Variants in ITCH observed in about 807,000 individuals in gnomAD.
ITCH encodes E3 ubiquitin-protein ligase Itchy homolog.
In ITCH, 28 loss-of-function variants were observed where a neutral mutation model predicts 126.8. The observed-to-expected ratio is 0.22, with a 90% CI of 0.16 to 0.30. The LOEUF (loss-of-function observed/expected upper bound fraction) is 0.30. ITCH is among the 10% of genes least tolerant of loss of function. The pLI is 1.00. For synonymous variants in ITCH, 342 were observed against 340.0 expected, an observed-to-expected ratio of 1.01 and a Z score of -0.06; for missense variants, 631 against 1,032.4, an observed-to-expected ratio of 0.61 and a Z score of 5.33.
intron 20 of ITCH, among the ~76,000 whole-genome samples, chr20:34,486,676 T>TATTTATTC (rs1989143256): frequency 6.6e-6 from 1 of 150,788 alleles, no homozygotes; most frequent in Non-Finnish European, 1.5e-5. Context: ...TTTATTTATT[T>TATTTATTC]ATTTATTTAT....
intron 16 of ITCH, 83 bp from the exon 17 acceptor site, chr20:34,477,689 A>C: frequency 1.6e-6 from 2 of 1,264,400 alleles, no homozygotes; most frequent in Non-Finnish European, 1.1e-6. Flanking sequence ...GTTACCTATA[A>C]CGAAGGAGAT....
chr20:34,460,877 C>T (rs966068004), intron 13 of ITCH, among the ~76,000 whole-genome samples: 11 of 151,780 alleles, frequency 7.2e-5, no homozygotes, highest in African/African-American at 1.5e-4. Context: ...ATAATTTAAC[C>T]GGGTGTGGTG....
chr20:34,442,975 C>CAA (rs777882908), intron 10 of ITCH, among the ~76,000 whole-genome samples: 3 of 102,854 alleles, frequency 2.9e-5, no homozygotes, highest in Non-Finnish European at 2.0e-5. Context: ...GACTCTGTCT[C>CAA]AAAAAAAAAA....
At chr20:34,498,925 G>GT (rs1256469730) in intron 23 of ITCH, among the ~76,000 whole-genome samples, 1 of 150,688 alleles carries the variant, frequency 6.6e-6, no homozygotes, top group Non-Finnish European at 1.5e-5. Flanking sequence ...TTCTTTAAAT[G>GT]TTTGTTAGAA....
At chr20:34,405,829 G>T (rs1480313784) in intron 3 of ITCH, among the ~76,000 whole-genome samples, 1 of 150,696 alleles carries the variant, frequency 6.6e-6, no homozygotes, top group Non-Finnish European at 1.5e-5. Flanking sequence ...TCACTGTGTT[G>T]TCCAGGCTGG....
In ITCH at chr20:34,438,614, C is replaced by G; in HGVS notation, c.662C>G (p.Pro221Arg). 1.2e-6 allele frequency: 2 copies of G among 1,613,996 alleles called. No individual in the cohort carries two copies. Among genetic ancestry groups the G allele is most frequent in the Non-Finnish European group, 1.7e-6 (2 of 1,180,004 alleles). The stretch of plus-strand genomic sequence containing the variant: ...CCAAGACCTTCACGACCACCACCAC[C>G]CACCCCACGTAGACCAGGTTTGTAT... ...RPPRPSRPPP[P>R]TPRRPASVNG... The change falls in exon 8 of 25, where the codon CCC becomes CGC. Residue 221 changes from proline to arginine, a missense_variant. By Grantham distance (103) the Pro-to-Arg change is moderately radical. This residue lies in a region of ITCH where 220 missense variants were observed against 265.7 expected (regional missense o/e 0.83). Transcript: ENST00000374864.
intron 17 of ITCH, among the ~76,000 whole-genome samples, chr20:34,479,396 T>G (rs142282229): frequency 2.8e-4 from 42 of 152,330 alleles, no homozygotes; most frequent in African/African-American, 9.6e-4. Flanking sequence ...GGTGCAATGT[T>G]GTCTTAGATT....
At chr20:34,488,105 C>T (rs1227570735) in intron 20 of ITCH, among the ~76,000 whole-genome samples, 2 of 151,446 alleles carry the variant, frequency 1.3e-5, no homozygotes, top group Non-Finnish European at 2.9e-5. Context: ...CTTATATTTA[C>T]TCACATTACT....
rs115599178 is a variant in ITCH, at chr20:34,467,196, C to T, written c.1425-2852C>T. 9.0e-3 allele frequency among the ~76,000 whole-genome samples: 1,364 copies of T among 152,204 alleles called. 19 individuals are homozygous for T. Among genetic ancestry groups the T allele is most frequent in the African/African-American group, 0.031 (1,291 of 41,526 alleles). The stretch of plus-strand genomic sequence containing the variant: ...ATGGACACAAGAACAGATAGTAAGT[C>T]TAAATATCCCTATAGCTGATAAATC... On this transcript the variant is annotated intron_variant, in intron 14 of 24. Transcript: ENST00000374864.
intron 2 of ITCH, among the ~76,000 whole-genome samples, chr20:34,379,904 C>A (rs929190037): frequency 2.1e-5 from 3 of 140,190 alleles, no homozygotes; most frequent in Non-Finnish European, 4.6e-5. Context: ...GCCCCCCCCC[C>A]CCTTTTTTTT....
chr20:34,471,678 GT>G (rs1987636668), intron 16 of ITCH, among the ~76,000 whole-genome samples, 163 bp downstream of exon 16: 1 of 38,466 alleles, frequency 2.6e-5, no homozygotes, highest in Non-Finnish European at 6.2e-5. Context: ...TAAGGGGTGT[GT>G]GTGTGTGTGT....
intron 3 of ITCH, among the ~76,000 whole-genome samples, chr20:34,406,553 G>A (rs1329278768): frequency 2.2e-5 from 3 of 137,820 alleles, no homozygotes; most frequent in Admixed American, 7.5e-5. Context: ...TTTTTTTTTC[G>A]AGATGGAGTC....
At chr20:34,499,168 G>T (rs888989733) in intron 23 of ITCH, among the ~76,000 whole-genome samples, 1 of 148,964 alleles carries the variant, frequency 6.7e-6, no homozygotes, top group Non-Finnish European at 1.5e-5. Flanking sequence ...TAGAGACGGG[G>T]TTTCACCGCG....
chr20:34,439,990 C>T (rs1983523147), intron 8 of ITCH, among the ~76,000 whole-genome samples, 165 bp from the exon 9 acceptor site: 1 of 152,148 alleles, frequency 6.6e-6, no homozygotes, highest in Non-Finnish European at 1.5e-5. Flanking sequence ...TAACTGGCAG[C>T]GTTGGTTATT....
At chr20:34,439,908 G>GA (rs1374368033) in intron 8 of ITCH, among the ~76,000 whole-genome samples, 1 of 152,170 alleles carries the variant, frequency 6.6e-6, no homozygotes, top group Admixed American at 6.5e-5. Flanking sequence ...GAAGATCAGA[G>GA]AACCTGTACA....
intron 10 of ITCH, 27 bp from the exon 11 acceptor site, chr20:34,445,260 G>GTTTTTTTT (rs376762756): frequency 1.0e-4 from 148 of 1,436,014 alleles, no homozygotes; most frequent in South Asian, 5.2e-4. Context: ...GAATTAGCTT[G>GTTTTTTTT]TTTTTTTTTT....
chr20:34,417,422 G>C (rs915502513), intron 6 of ITCH, among the ~76,000 whole-genome samples: 1 of 121,972 alleles, frequency 8.2e-6, no homozygotes, highest in African/African-American at 3.2e-5. Flanking sequence ...TTTTTGAGAC[G>C]GAGTATCGCT....
rs41290892 is a variant in ITCH at position 34,507,813 on chromosome 20, A to G, written c.*19A>G. On this transcript the variant is annotated 3_prime_UTR_variant, in exon 25 of 25. Coordinates refer to ENST00000374864, the MANE Select transcript of ITCH (RefSeq NM_031483.7). ...AGAGTAACTTCTGAGAACTTGCACC[A>G]TGAATGGGCAAGAACTTATTTGCAA... The G allele has an allele frequency of 1.9e-3, 2,921 of 1,550,324 alleles. 3 individuals are homozygous for G. Among genetic ancestry groups the G allele is most frequent in the Non-Finnish European group, 2.5e-3 (2,801 of 1,122,128 alleles).
rs1601766459 is a variant in ITCH, at chr20:34,383,132, C to T, written c.-21-10659C>T. 2.0e-5 allele frequency among the ~76,000 whole-genome samples: 3 copies of T among 152,202 alleles called. No individual in the cohort carries two copies. In the Middle Eastern group the frequency reaches 0.01, roughly 518 times the overall value. ...TCATGGCTCACTATAGTCTTGACCTCTCGGGCTCTGGCGATGCTCCTGTGT... is the reference window on the plus strand; with the variant it reads ...TCATGGCTCACTATAGTCTTGACCTTTCGGGCTCTGGCGATGCTCCTGTGT... On this transcript the variant is annotated intron_variant, in intron 2 of 24. Coordinates refer to ENST00000374864, the MANE Select transcript of ITCH (RefSeq NM_031483.7).
Sources: gnomAD v4.1 joint callset for allele counts (sites outside exome capture counted in the v4.1 genomes callset) on GRCh38, gnomAD v4.1.1 for gene constraint, gnomAD v4.1.1 regional missense constraint, MANE v1.5 for transcripts, NCBI Gene and HGNC (gene_info 2026-07-23, HGNC 2026-07-21) for gene names.